The following PHACTR1 variants were observed in gnomAD, a reference collection of about 807,000 sequenced individuals.
PHACTR1 encodes phosphatase and actin regulator 1, also known as RPEL repeat containing 1.
A neutral mutation model predicts 69.2 loss-of-function variants in PHACTR1; 16 were observed. That is an observed-to-expected ratio of 0.23 (90% confidence interval 0.16 to 0.35). The LOEUF (loss-of-function observed/expected upper bound fraction) is 0.35, where lower values mean the gene tolerates loss of function less well. Among genes scored for constraint, PHACTR1 ranks in the 10% least tolerant of loss-of-function variants. The pLI is 1.00. For missense variants in PHACTR1, 510 were observed against 734.7 expected, an observed-to-expected ratio of 0.69 and a Z score of 3.54; for synonymous variants, 312 against 284.5, an observed-to-expected ratio of 1.10 and a Z score of -0.97.
intron 3 of PHACTR1, among the ~76,000 whole-genome samples, chr6:12,738,792 G>C (rs1243912210): frequency 6.6e-6 from 1 of 152,154 alleles, no homozygotes; most frequent in Non-Finnish European, 1.5e-5. Context: ...TTGAACCTGG[G>C]AGGCGGAAGT....
intron 4 of PHACTR1, among the ~76,000 whole-genome samples, chr6:12,884,061 T>C (rs534513222): frequency 1.3e-5 from 2 of 151,778 alleles, no homozygotes; most frequent in Non-Finnish European, 2.9e-5. Context: ...CAGTCACACA[T>C]GTACCCACAT....
Position 12,867,835 on chromosome 6 carries a change from G to A in PHACTR1, c.250+118045G>A, listed in dbSNP as rs149770862. ...TAGATTACCAGAAGCAAGGGGAAGG[G>A]AGGAACTGGCCTATTGTCTGTGTGT... On this transcript the variant is annotated intron_variant, in intron 4 of 14. Coordinates refer to ENST00000332995, the MANE Select transcript of PHACTR1 (RefSeq NM_030948.6). Among the ~76,000 whole-genome samples, 110 of 152,294 alleles carry A rather than the reference G, an allele frequency of 7.2e-4. 1 individual carries two copies. In the Middle Eastern group the frequency reaches 0.017, roughly 24 times the overall value.
At chr6:12,886,123 A>T (rs1783610609) in intron 4 of PHACTR1, among the ~76,000 whole-genome samples, 1 of 151,858 alleles carries the variant, frequency 6.6e-6, no homozygotes, top group Non-Finnish European at 1.5e-5. Flanking sequence ...AGAAAACAAA[A>T]CAAAAAACCC....
At chr6:12,770,627 T>C (rs1014934940) in intron 4 of PHACTR1, among the ~76,000 whole-genome samples, 1 of 152,206 alleles carries the variant, frequency 6.6e-6, no homozygotes, top group East Asian at 1.9e-4. Context: ...AGATTGTATA[T>C]GTATTCCTTC....
chr6:12,839,522 T>G (rs947503771), intron 4 of PHACTR1, among the ~76,000 whole-genome samples: 1 of 152,116 alleles, frequency 6.6e-6, no homozygotes, highest in Non-Finnish European at 1.5e-5. Flanking sequence ...CTGGCCCTTC[T>G]AGATATGTCA....
intron 3 of PHACTR1, among the ~76,000 whole-genome samples, chr6:12,723,901 G>A (rs1762458333): frequency 6.6e-6 from 1 of 152,188 alleles, no homozygotes; most frequent in African/African-American, 2.4e-5. Context: ...AGCCAGGGCT[G>A]ACAACTACTG....
At chr6:13,013,932 C>A (rs1204751295) in intron 4 of PHACTR1, among the ~76,000 whole-genome samples, 1 of 150,942 alleles carries the variant, frequency 6.6e-6, no homozygotes, top group Admixed American at 6.6e-5. Flanking sequence ...GTTTGCGCTC[C>A]GTTCGCCGCG....
chr6:12,840,943 G>A (rs969293506), intron 4 of PHACTR1, among the ~76,000 whole-genome samples: 6 of 152,182 alleles, frequency 3.9e-5, no homozygotes, highest in Admixed American at 1.3e-4. Context: ...TGGATGGCAC[G>A]GTCACTCTCT....
intron 7 of PHACTR1, among the ~76,000 whole-genome samples, chr6:13,200,735 A>G (rs776045300): frequency 6.6e-6 from 1 of 151,604 alleles, no homozygotes; most frequent in Non-Finnish European, 1.5e-5. Flanking sequence ...GGAGTTTGAG[A>G]CCAGCCTGGC....
chr6:12,991,332 G>A (rs1796798425), intron 4 of PHACTR1, among the ~76,000 whole-genome samples: 1 of 152,166 alleles, frequency 6.6e-6, no homozygotes, highest in Admixed American at 6.5e-5. Flanking sequence ...GGTTTGCAGG[G>A]CAGTAGATGG....
chr6:13,153,941 A>G (rs1434787129), intron 5 of PHACTR1, among the ~76,000 whole-genome samples: 1 of 152,118 alleles, frequency 6.6e-6, no homozygotes, highest in Non-Finnish European at 1.5e-5. Context: ...CATTTTTTTA[A>G]CTAATGCTTT....
chr6:12,938,046 G>A (rs1025602142), intron 4 of PHACTR1, among the ~76,000 whole-genome samples: 1 of 152,042 alleles, frequency 6.6e-6, no homozygotes, highest in African/African-American at 2.4e-5. Context: ...GTTGCAGTGG[G>A]CCGAGGTCAC....
intron 5 of PHACTR1, among the ~76,000 whole-genome samples, chr6:13,070,654 C>G (rs902011778): frequency 6.6e-6 from 1 of 152,108 alleles, no homozygotes; most frequent in Non-Finnish European, 1.5e-5. Flanking sequence ...GTATGCATAT[C>G]TGGGTAGGTA....
intron 3 of PHACTR1, among the ~76,000 whole-genome samples, chr6:12,742,192 T>C (rs1270480731): frequency 6.6e-6 from 1 of 152,204 alleles, no homozygotes; most frequent in East Asian, 1.9e-4. Flanking sequence ...CAGCTGCTTA[T>C]ACTTACTGTT....
intron 4 of PHACTR1, among the ~76,000 whole-genome samples, chr6:12,792,677 T>G (rs890037020): frequency 2.6e-4 from 39 of 151,986 alleles, no homozygotes; most frequent in African/African-American, 8.0e-4. Flanking sequence ...ATCTTCCAAT[T>G]TTTGTTCAAA....
intron 4 of PHACTR1, among the ~76,000 whole-genome samples, chr6:12,779,521 C>A (rs189092530): frequency 1.9e-3 from 260 of 137,802 alleles, no homozygotes; most frequent in Admixed American, 5.4e-3. Context: ...TCCTGGTGAC[C>A]GCTTCTTAAA....
rs144061277 is a variant in PHACTR1, at chr6:13,075,444, A to G, written c.415+21915A>G. Among the ~76,000 whole-genome samples the G allele has an allele frequency of 4.9e-3, 745 of 152,286 alleles. 8 individuals carry two copies. The highest frequency in any genetic ancestry group is 0.016 in the African/African-American group (675 of 41,562). ...TGATCCCTTGAGTAAGGTCTTTGTA[A>G]TGACCCTGGTACTGTTGCTTGTTAC... On this transcript the variant is annotated intron_variant, in intron 5 of 14. Transcript: ENST00000332995.
intron 4 of PHACTR1, among the ~76,000 whole-genome samples, chr6:12,986,276 T>C (rs1336556257): frequency 6.6e-6 from 1 of 152,234 alleles, no homozygotes; most frequent in Non-Finnish European, 1.5e-5. Context: ...ATCTGGGTGA[T>C]GTCTGCATGG....
chr6:12,905,677 G>C (rs1481720569), intron 4 of PHACTR1, among the ~76,000 whole-genome samples: 1 of 152,222 alleles, frequency 6.6e-6, no homozygotes, highest in African/African-American at 2.4e-5. Context: ...AGGCAGAGAA[G>C]AGAGGTCCAA....
Sources: allele counts gnomAD v4.1 joint callset (sites outside exome capture counted in the v4.1 genomes callset), GRCh38; gene constraint gnomAD v4.1.1; transcripts MANE v1.5; gene names NCBI Gene and HGNC (gene_info 2026-07-23, HGNC 2026-07-21).